Variants in MTSS1 observed in about 807,000 individuals in gnomAD.
The protein encoded by MTSS1 is MTSS I-BAR domain containing 1.
MTSS1 carries 18 observed loss-of-function variants against 79.0 expected under a neutral mutation model. That is an observed-to-expected ratio of 0.23 (90% CI 0.16 to 0.34). The LOEUF (loss-of-function observed/expected upper bound fraction) is 0.34, where lower values mean the gene tolerates loss of function less well. Among genes scored for constraint, MTSS1 ranks in the 10% least tolerant of loss-of-function variants. The pLI, the probability that MTSS1 is intolerant of heterozygous loss-of-function variation, is 1.00. For missense variants in MTSS1, 815 were observed against 986.2 expected (o/e 0.83, Z 2.33); for synonymous variants, 341 against 368.6 (o/e 0.93, Z 0.86).
At chr8:124,555,604 T>C in intron 13 of MTSS1, 138 bp downstream of exon 13, 1 of 1,122,378 alleles carries the variant, frequency 8.9e-7, no homozygotes, top group Non-Finnish European at 1.2e-6. Context: ...CCCCAAAGCA[T>C]TCCCAGATGA....
intron 8 of MTSS1, chr8:124,566,316 T>A (rs1205682930): frequency 6.5e-6 from 1 of 152,910 alleles, no homozygotes; most frequent in African/African-American, 2.4e-5. Flanking sequence ...CACCTTTCAT[T>A]CACATAAGAA....
At chr8:124,558,874 C>T in intron 10 of MTSS1, 3 of 1,513,386 alleles carry the variant, frequency 2.0e-6, no homozygotes, top group East Asian at 4.9e-5. Context: ...CAACAGAAAC[C>T]GAGCCACACA....
chr8:124,567,601 G>A, intron 7 of MTSS1: 1 of 1,395,150 alleles, frequency 7.2e-7, no homozygotes, highest in Non-Finnish European at 9.3e-7. Context: ...GTGCCTGTGT[G>A]TTCAACAGAA....
chr8:124,716,002 T>C (rs1481144482), intron 1 of MTSS1, among the ~76,000 whole-genome samples: 1 of 152,204 alleles, frequency 6.6e-6, no homozygotes, highest in African/African-American at 2.4e-5. Flanking sequence ...AACTCTGCTT[T>C]GATGACTCAA....
At chr8:124,680,253 A>G (rs1296769495) in intron 3 of MTSS1, among the ~76,000 whole-genome samples, 2 of 152,254 alleles carry the variant, frequency 1.3e-5, no homozygotes. Context: ...GGACAACTCA[A>G]TCGCAGGCTC....
chr8:124,563,169 C>T (rs1825713015), intron 9 of MTSS1, among the ~76,000 whole-genome samples, 177 bp from the exon 10 acceptor site: 1 of 152,182 alleles, frequency 6.6e-6, no homozygotes, highest in Admixed American at 6.5e-5. Flanking sequence ...GTTTTCAAAA[C>T]ACCAAATCAT....
At position 124,582,329 on chromosome 8, in the gene MTSS1, T is replaced by G. The variant is rs902051426; in HGVS notation, c.460+2758A>C. 1.1e-4 allele frequency among the ~76,000 whole-genome samples: 16 copies of G among 151,986 alleles called. No homozygotes were observed. Among genetic ancestry groups the G allele is most frequent in the Non-Finnish European group, 2.9e-5 (2 of 68,000 alleles). ...GATTACAAACCACCTCTCTATATAG[T>G]AAGAAAGAGTCGAAGAATGTGATAA... On this transcript the variant is annotated intron_variant, in intron 6 of 13. Transcript: ENST00000518547. The surrounding 1 kb of genome is among the most constrained non-coding windows in gnomAD (Gnocchi z 4.8).
chr8:124,605,138 G>A (rs539036275), intron 3 of MTSS1, among the ~76,000 whole-genome samples: 29 of 152,252 alleles, frequency 1.9e-4, no homozygotes, highest in Non-Finnish European at 3.4e-4. Context: ...TGTCACCTGG[G>A]AAATGCCAGC....
chr8:124,664,057 C>G (rs977058329), intron 3 of MTSS1, among the ~76,000 whole-genome samples: 2 of 152,200 alleles, frequency 1.3e-5, no homozygotes, highest in African/African-American at 2.4e-5. Context: ...TGAGAAGACA[C>G]TTCAGCAGGA....
At chr8:124,685,304 T>C (rs1027710533) in intron 3 of MTSS1, among the ~76,000 whole-genome samples, 1 of 152,220 alleles carries the variant, frequency 6.6e-6, no homozygotes, top group Non-Finnish European at 1.5e-5. Context: ...ATTAGTTTTA[T>C]GTTATATGAA....
chr8:124,635,519 C>G (rs111320528), intron 3 of MTSS1, among the ~76,000 whole-genome samples: 1 of 152,206 alleles, frequency 6.6e-6, no homozygotes, highest in Non-Finnish European at 1.5e-5. Context: ...AATGCCGGAA[C>G]GCCTCTGTTC....
In MTSS1 at chr8:124,727,010, T is replaced by C. The variant is rs1833801456; in HGVS notation, c.72+874A>G. 6.6e-6 allele frequency among the ~76,000 whole-genome samples: 1 copy of C among 151,850 alleles called. No homozygotes were observed. Among genetic ancestry groups the C allele is most frequent in the African/African-American group, 2.4e-5 (1 of 41,338 alleles). ...TGGTCTATCTCTAGGCACCAGAAAATCCACATCCGAGGATCAGGTTATCCC... is the reference window on the plus strand; with the variant it reads ...TGGTCTATCTCTAGGCACCAGAAAACCCACATCCGAGGATCAGGTTATCCC... On this transcript the variant is annotated intron_variant, in intron 1 of 13. Transcript: ENST00000518547. This position sits in a 1 kb window ranked among gnomAD's most constrained non-coding sequence, Gnocchi z 4.7.
chr8:124,592,708 G>T (rs16899830), intron 3 of MTSS1, among the ~76,000 whole-genome samples: 21,334 of 152,138 alleles, frequency 0.14, 1,984 homozygotes, highest in African/African-American at 0.25. Context: ...GAAACCTTCT[G>T]AGGGCAAGGC....
chr8:124,686,716 C>A (rs1563996942), intron 3 of MTSS1, among the ~76,000 whole-genome samples: 1 of 152,042 alleles, frequency 6.6e-6, no homozygotes, highest in African/African-American at 2.4e-5. Flanking sequence ...AACCAACCTA[C>A]AATGCACAAC....
At chr8:124,675,802 A>C (rs1229156829) in intron 3 of MTSS1, among the ~76,000 whole-genome samples, 2 of 152,230 alleles carry the variant, frequency 1.3e-5, no homozygotes, top group Non-Finnish European at 2.9e-5. Flanking sequence ...AGGTTCATCC[A>C]AGTTGTAGCA....
chr8:124,637,297 G>A (rs1817190015), intron 3 of MTSS1, among the ~76,000 whole-genome samples: 1 of 152,206 alleles, frequency 6.6e-6, no homozygotes, highest in African/African-American at 2.4e-5. Context: ...AAGGGACCAG[G>A]AAAATGGAGT....
At chr8:124,555,653 G>A in intron 13 of MTSS1, 89 bp downstream of exon 13, 1 of 1,383,546 alleles carries the variant, frequency 7.2e-7, no homozygotes, top group Non-Finnish European at 9.7e-7. Context: ...GCGAGTGGTG[G>A]GTTGTGGTTA....
intron 3 of MTSS1, among the ~76,000 whole-genome samples, chr8:124,625,693 G>C (rs979674842): frequency 4.6e-5 from 7 of 152,192 alleles, no homozygotes; most frequent in Non-Finnish European, 7.3e-5. Context: ...TTTGAGAATT[G>C]TGAAAGAGGC....
intron 3 of MTSS1, 143 bp from the exon 4 acceptor site, chr8:124,591,378 T>A: frequency 1.5e-6 from 1 of 673,528 alleles, no homozygotes; most frequent in Admixed American, 2.3e-5. Context: ...ACCATGCCCA[T>A]GTGTGCATAC....
Sources: gnomAD v4.1 joint callset for allele counts (sites outside exome capture counted in the v4.1 genomes callset) on GRCh38, gnomAD v4.1.1 for gene constraint, Gnocchi (gnomAD v3.1) non-coding constraint, MANE v1.5 for transcripts, NCBI Gene and HGNC (gene_info 2026-07-23, HGNC 2026-07-21) for gene names.